Variants in PKHD1 observed in about 807,000 individuals in gnomAD.
PKHD1 encodes fibrocystin.
A neutral mutation model predicts 412.0 loss-of-function variants in PKHD1; 291 were observed. The observed-to-expected ratio is 0.71, with a 90% CI of 0.64 to 0.78. The LOEUF (loss-of-function observed/expected upper bound fraction) is 0.78. Among genes scored for constraint, PKHD1 ranks in the 30% least tolerant of loss-of-function variants. The probability of loss-of-function intolerance (pLI) is 0.00; values close to 1 mark genes in which losing one functional copy is unlikely to be tolerated. For missense variants in PKHD1, 4,825 were observed against 4,950.7 expected (o/e 0.97, Z 0.76); for synonymous variants, 1,777 against 1,821.5 (o/e 0.98, Z 0.62).
intron 36 of PKHD1, among the ~76,000 whole-genome samples, chr6:51,957,763 G>A (rs573760353): frequency 5.3e-5 from 8 of 151,972 alleles, no homozygotes; most frequent in African/African-American, 1.2e-4. Flanking sequence ...CTATGTGATC[G>A]CAATATGTCT....
At chr6:51,673,529 T>G (rs1333838736) in intron 60 of PKHD1, among the ~76,000 whole-genome samples, 1 of 152,236 alleles carries the variant, frequency 6.6e-6, no homozygotes, top group African/African-American at 2.4e-5. Context: ...CTTTGTTTAT[T>G]TTCTTAGCAG....
chr6:51,922,231 C>A (rs1373251350), intron 37 of PKHD1, among the ~76,000 whole-genome samples: 1 of 152,214 alleles, frequency 6.6e-6, no homozygotes, highest in African/African-American at 2.4e-5. Flanking sequence ...ACTCCAGACC[C>A]TGTTTGCCTG....
chr6:51,858,142 C>T (rs547073778), intron 48 of PKHD1, among the ~76,000 whole-genome samples: 2 of 152,142 alleles, frequency 1.3e-5, no homozygotes, highest in Non-Finnish European at 2.9e-5. Flanking sequence ...CAGGAATTCC[C>T]ACCATATTTC....
chr6:51,960,932 G>C (rs1432821528), intron 35 of PKHD1, among the ~76,000 whole-genome samples: 1 of 152,124 alleles, frequency 6.6e-6, no homozygotes, highest in Non-Finnish European at 1.5e-5. Flanking sequence ...CTGGTAACAT[G>C]TCTAAATGCC....
At chr6:51,694,771 T>C (rs1382271416) in intron 60 of PKHD1, among the ~76,000 whole-genome samples, 1 of 152,056 alleles carries the variant, frequency 6.6e-6, no homozygotes, top group East Asian at 1.9e-4. Context: ...ATTACAATTA[T>C]GTTGGGACTG....
At chr6:51,704,123 A>G (rs1779751265) in intron 60 of PKHD1, among the ~76,000 whole-genome samples, 1 of 152,052 alleles carries the variant, frequency 6.6e-6, no homozygotes, top group Non-Finnish European at 1.5e-5. Flanking sequence ...ACCTGTAGAA[A>G]GGGAGTTTAC....
chr6:51,802,626 A>G (rs971648567), intron 52 of PKHD1, among the ~76,000 whole-genome samples: 5 of 151,644 alleles, frequency 3.3e-5, no homozygotes, highest in Non-Finnish European at 7.3e-5. Context: ...ACTTTTAGTA[A>G]ATAAATATAT....
At chr6:51,698,276 C>T (rs1451479902) in intron 60 of PKHD1, among the ~76,000 whole-genome samples, 2 of 152,082 alleles carry the variant, frequency 1.3e-5, no homozygotes, top group African/African-American at 4.8e-5. Flanking sequence ...AAATCAAATC[C>T]TTGGGAATCA....
chr6:51,861,578 A>G (rs1167762346), intron 48 of PKHD1, among the ~76,000 whole-genome samples: 3 of 152,238 alleles, frequency 2.0e-5, no homozygotes. Flanking sequence ...AACTGTGGGC[A>G]CAGCCAACAA....
chr6:52,083,234 A>G lies in PKHD1; in HGVS notation c.74T>C (p.Ile25Thr), dbSNP rs770812211. 7 of 1,610,298 alleles carry G rather than the reference A, an allele frequency of 4.3e-6. No individual in the cohort carries two copies. Among genetic ancestry groups the G allele is most frequent in the East Asian group, 4.5e-5 (2 of 44,872 alleles). ...LLAVRHLSLH[I>T]EPEEGSLAGG... is the part of the protein sequence containing the mutation. ...TGCAAGGCTACCTTCTTCAGGTTCA[A>G]TATGTAAACTCAGGTGACGTACTGT... Residue 25 changes from isoleucine to threonine, a missense_variant, in exon 3 of 67, where the codon ATT becomes ACT. Physicochemically the swap from Ile to Thr is moderately conservative, Grantham distance 89 (BLOSUM62 -1). Transcript: ENST00000371117.
intron 52 of PKHD1, among the ~76,000 whole-genome samples, chr6:51,808,444 T>C (rs1285368768): frequency 1.3e-5 from 2 of 152,050 alleles, no homozygotes; most frequent in Admixed American, 6.6e-5. Context: ...TTTTAAAAAA[T>C]TGAAATTAAA....
intron 60 of PKHD1, chr6:51,682,194 G>C (rs1400385636): frequency 2.2e-6 from 1 of 455,434 alleles, no homozygotes; most frequent in South Asian, 1.6e-5. Flanking sequence ...TCCTGCTTCA[G>C]GGAAGAGGAT....
chr6:51,757,915 G>A (rs887497865), intron 55 of PKHD1, among the ~76,000 whole-genome samples: 9 of 151,884 alleles, frequency 5.9e-5, no homozygotes, highest in Non-Finnish European at 1.0e-4. Flanking sequence ...GGAGGCTGAG[G>A]TGGGAGGATG....
intron 35 of PKHD1, among the ~76,000 whole-genome samples, chr6:51,977,190 C>A (rs1251556687): frequency 6.6e-6 from 1 of 152,136 alleles, no homozygotes; most frequent in Non-Finnish European, 1.5e-5. Context: ...AGGTCCTAAA[C>A]CCAGGTGAAA....
chr6:51,741,166 C>T (rs1272537780), intron 60 of PKHD1: 1 of 518,778 alleles, frequency 1.9e-6, no homozygotes, highest in African/African-American at 1.9e-5. Context: ...GCCTAAATAG[C>T]ATATTACACC....
intron 45 of PKHD1, among the ~76,000 whole-genome samples, chr6:51,883,904 C>T (rs7749790): frequency 6.6e-6 from 1 of 152,094 alleles, no homozygotes; most frequent in South Asian, 2.1e-4. Context: ...ATCACTTGCT[C>T]CTTCTTTGAC....
intron 48 of PKHD1, among the ~76,000 whole-genome samples, chr6:51,856,315 C>T (rs952332397): frequency 6.6e-6 from 1 of 152,110 alleles, no homozygotes; most frequent in South Asian, 2.1e-4. Context: ...GGTGGTGACT[C>T]TCAGGTTTTT....
chr6:51,944,416 G>A (rs1028548907), intron 36 of PKHD1, among the ~76,000 whole-genome samples: 1 of 152,194 alleles, frequency 6.6e-6, no homozygotes, highest in Non-Finnish European at 1.5e-5. Flanking sequence ...TCTTCGCATG[G>A]ATGCGAGTGA....
rs116246702 is a variant in PKHD1 at position 52,085,323 on chromosome 6, T to A, written c.-84-306A>T. On this transcript the variant is annotated intron_variant, in intron 1 of 66. Coordinates refer to ENST00000371117, the MANE Select transcript of PKHD1 (RefSeq NM_138694.4). ...AGAATTCTAGAAATTAAAATTCTAGTTCGTGATAGGGTGAAGTCTGTTTTG... is the reference window on the plus strand; with the variant it reads ...AGAATTCTAGAAATTAAAATTCTAGATCGTGATAGGGTGAAGTCTGTTTTG... Among the ~76,000 whole-genome samples the A allele has an allele frequency of 1.9e-3, 292 of 152,340 alleles. 1 individual carries two copies. The highest frequency in any genetic ancestry group is 4.6e-3 in the South Asian group (22 of 4,826).
Sources: allele counts gnomAD v4.1 joint callset (sites outside exome capture counted in the v4.1 genomes callset), GRCh38; gene constraint gnomAD v4.1.1; transcripts MANE v1.5; gene names NCBI Gene and HGNC (gene_info 2026-07-23, HGNC 2026-07-21).